The following ATP13A4 variants were observed in gnomAD, a reference collection of about 807,000 sequenced individuals.
ATP13A4 encodes the protein probable cation-transporting ATPase 13A4.
ATP13A4 carries 114 observed loss-of-function variants against 142.5 expected under a neutral mutation model. The ratio of observed to expected loss-of-function variants is 0.80; its 90% CI spans 0.69 to 0.93. The LOEUF (loss-of-function observed/expected upper bound fraction) is 0.93. Among genes scored for constraint, ATP13A4 ranks in the 40% least tolerant of loss-of-function variants. ATP13A4 has a pLI of 0.00. For synonymous variants in ATP13A4, 488 were observed against 514.8 expected, an observed-to-expected ratio of 0.95 and a Z score of 0.70; for missense variants, 1,392 against 1,454.0, an observed-to-expected ratio of 0.96 and a Z score of 0.69.
At position 193,414,738 on chromosome 3, in the gene ATP13A4, C is replaced by T. The variant is rs1268853683; in HGVS notation, c.2855G>A (p.Gly952Asp). The change falls in exon 26 of 30, where the codon GGT becomes GAT. Residue 952 changes from glycine (G) to aspartate (D), a missense_variant. Gly to Asp is a moderately conservative substitution (Grantham distance 94). Transcript: ENST00000342695. ...TLIGVTMNLN[G>D]AYPKLVPFRP... ...GAAAGGCACCAGCTTAGGGTAGGCA[C>T]CATTCAGATTCACTATAAAATAAAT... The T allele has an allele frequency of 2.5e-6, 4 of 1,613,960 alleles. No homozygotes were observed. Among genetic ancestry groups the T allele is most frequent in the Non-Finnish European group, 3.4e-6 (4 of 1,179,946 alleles).
chr3:193,545,747 G>A (rs537761553), intron 1 of ATP13A4, among the ~76,000 whole-genome samples: 15 of 152,096 alleles, frequency 9.9e-5, no homozygotes, highest in Admixed American at 7.9e-4. Flanking sequence ...TATACGGTTC[G>A]GCACTGTTAA....
In ATP13A4 at chr3:193,417,713, C is replaced by T. The variant is rs568008791; in HGVS notation, c.2843-2963G>A. On this transcript the variant is annotated intron_variant, in intron 25 of 29. Transcript: ENST00000342695. ...AGACAAAAAAGAAATTGGCCAGGCGCGGTGGCTCATGCCTGTAATCCCAGC... is the reference window on the plus strand; with the variant it reads ...AGACAAAAAAGAAATTGGCCAGGCGTGGTGGCTCATGCCTGTAATCCCAGC... 1.6e-3 allele frequency among the ~76,000 whole-genome samples: 221 copies of T among 137,072 alleles called. 7 individuals carry two copies. The highest frequency in any genetic ancestry group is 1.7e-3 in the Non-Finnish European group (112 of 64,812). 89.9% of individuals were successfully genotyped at this position (137,072 alleles called of 152,430 possible).
rs1714193778 is a variant in ATP13A4, at chr3:193,399,481, T to A, written c.*3171A>T. On this transcript the variant is annotated 3_prime_UTR_variant, in exon 30 of 30. Coordinates refer to ENST00000342695, the MANE Select transcript of ATP13A4 (RefSeq NM_032279.4). ...GAGTCTATATGTCCACACAATCGGA[T>A]CTGACAAGGCTGGGAGCCCTCCCTC... is the stretch of plus-strand genomic sequence containing the variant. 6.6e-6 allele frequency among the ~76,000 whole-genome samples: 1 copy of A among 152,106 alleles called. No homozygotes were observed. The highest frequency in any genetic ancestry group is 1.5e-5 in the Non-Finnish European group (1 of 68,024).
At chr3:193,499,247 C>T (rs1174639201) in intron 3 of ATP13A4, among the ~76,000 whole-genome samples, 1 of 152,182 alleles carries the variant, frequency 6.6e-6, no homozygotes, top group Non-Finnish European at 1.5e-5. Flanking sequence ...GTAGGAATGA[C>T]ACACAATCTC....
At chr3:193,580,355 C>G (rs1255523280) in intron 2 of ATP13A4, among the ~76,000 whole-genome samples, 1 of 152,074 alleles carries the variant, frequency 6.6e-6, no homozygotes, top group African/African-American at 2.4e-5. Context: ...CAGGATATAG[C>G]CTCAACTTGG....
intron 2 of ATP13A4, among the ~76,000 whole-genome samples, chr3:193,512,382 G>C (rs149769632): frequency 6.6e-6 from 1 of 152,078 alleles, no homozygotes; most frequent in Non-Finnish European, 1.5e-5. Context: ...GTATGGGAGG[G>C]CCACTCATAG....
chr3:193,417,426 T>C (rs1715122061), intron 25 of ATP13A4, among the ~76,000 whole-genome samples: 1 of 152,198 alleles, frequency 6.6e-6, no homozygotes, highest in African/African-American at 2.4e-5. Flanking sequence ...ACATCAACAA[T>C]ATAAAAGGGG....
At chr3:193,503,043 G>A (rs908431458) in intron 2 of ATP13A4, among the ~76,000 whole-genome samples, 1 of 151,966 alleles carries the variant, frequency 6.6e-6, no homozygotes, top group African/African-American at 2.4e-5. Context: ...GGGGCAGGGG[G>A]GGGAACTATC....
At chr3:193,493,042 TTGAGA>T in intron 4 of ATP13A4, 43 bp downstream of exon 4, 1 of 1,604,310 alleles carries the variant, frequency 6.2e-7, no homozygotes, top group Non-Finnish European at 8.5e-7. Context: ...AATAATATTT[TTGAGA>T]TAACATTTTT....
At chr3:193,407,544 T>G (rs576346452) in intron 28 of ATP13A4, 151 bp from the exon 29 acceptor site, 8 of 531,626 alleles carry the variant, frequency 1.5e-5, no homozygotes, top group Non-Finnish European at 2.7e-5. Flanking sequence ...ATATAAAAAA[T>G]TTCTATGCTT....
intron 1 of ATP13A4, among the ~76,000 whole-genome samples, chr3:193,529,513 T>C (rs1367912264): frequency 6.6e-6 from 1 of 152,138 alleles, no homozygotes; most frequent in Non-Finnish European, 1.5e-5. Context: ...TGCCATTTGT[T>C]TTAATCCAGC....
chr3:193,492,821 G>C, intron 5 of ATP13A4, 96 bp downstream of exon 5: 1 of 898,118 alleles, frequency 1.1e-6, no homozygotes, highest in Non-Finnish European at 1.8e-6. Flanking sequence ...AATATTTTCT[G>C]ATATTAATCC....
At chr3:193,431,144 G>A (rs1048240905) in intron 25 of ATP13A4, among the ~76,000 whole-genome samples, 3 of 152,048 alleles carry the variant, frequency 2.0e-5, no homozygotes, top group Non-Finnish European at 4.4e-5. Flanking sequence ...GTAGATAACA[G>A]TGCAATTCCA....
At chr3:193,468,266 G>C (rs532240940) in intron 9 of ATP13A4, among the ~76,000 whole-genome samples, 1 of 152,326 alleles carries the variant, frequency 6.6e-6, no homozygotes, top group South Asian at 2.1e-4. Context: ...AATCAGGAGA[G>C]TAATATCATA....
At chr3:193,494,130 GC>G (rs577984508) in intron 3 of ATP13A4, among the ~76,000 whole-genome samples, 2 of 152,062 alleles carry the variant, frequency 1.3e-5, no homozygotes, top group African/African-American at 4.8e-5. Context: ...AATATATAAA[GC>G]AAATATTAAT....
intron 26 of ATP13A4, 135 bp from the exon 27 acceptor site, chr3:193,412,506 AACACACACACACACACACACACAC>A (rs58979821): frequency 1.2e-5 from 6 of 509,752 alleles, no homozygotes; most frequent in East Asian, 7.4e-5. Context: ...TGCTTTGGAA[AACACACACACACACACACACACAC>A]ACACACACAC....
chr3:193,506,304 C>T (rs1339264539), intron 2 of ATP13A4, among the ~76,000 whole-genome samples: 2 of 152,132 alleles, frequency 1.3e-5, no homozygotes, highest in African/African-American at 4.8e-5. Flanking sequence ...AAGTGCTTGC[C>T]TGGCAAATCT....
chr3:193,485,114 G>A (rs1719527867), intron 7 of ATP13A4, among the ~76,000 whole-genome samples: 2 of 151,916 alleles, frequency 1.3e-5, no homozygotes, highest in African/African-American at 4.8e-5. Context: ...TAGTGCATCT[G>A]GAAGGCAGAA....
chr3:193,424,925 GTA>G (rs1715580587), intron 25 of ATP13A4, among the ~76,000 whole-genome samples: 1 of 148,386 alleles, frequency 6.7e-6, no homozygotes. Context: ...AAACTATGCA[GTA>G]TAATAAAATA....
Sources: allele counts gnomAD v4.1 joint callset (sites outside exome capture counted in the v4.1 genomes callset), GRCh38; gene constraint gnomAD v4.1.1; transcripts MANE v1.5; gene names NCBI Gene and HGNC (gene_info 2026-07-23, HGNC 2026-07-21).